BZW2: variants seen among roughly 807,000 people sequenced by gnomAD.
The protein encoded by BZW2 is eIF5-mimic protein 1.
A neutral mutation model predicts 53.2 loss-of-function variants in BZW2; 23 were observed. The ratio of observed to expected loss-of-function variants is 0.43; its 90% CI spans 0.31 to 0.61. The LOEUF (loss-of-function observed/expected upper bound fraction) is 0.61, where lower values mean the gene tolerates loss of function less well. Among genes scored for constraint, BZW2 ranks in the 20% least tolerant of loss-of-function variants. The pLI is 0.09. For synonymous variants in BZW2, 227 were observed against 186.4 expected (o/e 1.22, Z -1.77); for missense variants, 409 against 503.1 (o/e 0.81, Z 1.79).
chr7:16,665,308 G>GA (rs879064904), intron 1 of BZW2, 129 bp from the exon 2 acceptor site: 72,889 of 817,764 alleles, frequency 0.089, no homozygotes, highest in East Asian at 0.11. Context: ...TGTCTCAATT[G>GA]AAAAAAAAAA....
At chr7:16,649,658 G>A (rs966764164) in intron 1 of BZW2, among the ~76,000 whole-genome samples, 6 of 151,924 alleles carry the variant, frequency 3.9e-5, no homozygotes. Context: ...TTAGACTTAG[G>A]TATCTTTATT....
intron 1 of BZW2, among the ~76,000 whole-genome samples, chr7:16,649,698 A>AT (rs927789826): frequency 6.6e-6 from 1 of 152,014 alleles, no homozygotes; most frequent in Non-Finnish European, 1.5e-5. Flanking sequence ...AGAAATTTTG[A>AT]TTTTTTTAAG....
intron 6 of BZW2, among the ~76,000 whole-genome samples, chr7:16,688,373 A>G (rs1224269855): frequency 2.0e-5 from 3 of 152,216 alleles, no homozygotes; most frequent in African/African-American, 7.2e-5. Context: ...CAGTGGAAGA[A>G]CACTTCTCCT....
At chr7:16,702,876 C>T (rs932225588) in intron 10 of BZW2, among the ~76,000 whole-genome samples, 4 of 152,096 alleles carry the variant, frequency 2.6e-5, no homozygotes, top group African/African-American at 9.7e-5. Flanking sequence ...CAAAAATATA[C>T]ATATGTTGGG....
At chr7:16,695,904 C>T (rs1783467565) in intron 8 of BZW2, 1 of 152,150 alleles carries the variant, frequency 6.6e-6, no homozygotes, top group African/African-American at 2.4e-5. Flanking sequence ...CATATTTCTC[C>T]AAGCAAGAAT....
chr7:16,700,664 T>C (rs1176396436), intron 10 of BZW2: 1 of 152,150 alleles, frequency 6.6e-6, no homozygotes, highest in Non-Finnish European at 1.5e-5. Flanking sequence ...GTGTAAAGTG[T>C]ATAGCATTCA....
intron 10 of BZW2, 46 bp from the exon 11 acceptor site, chr7:16,704,501 A>C: frequency 6.8e-7 from 1 of 1,468,788 alleles, no homozygotes; most frequent in Non-Finnish European, 9.2e-7. Context: ...GTTTTGAAAC[A>C]TGACATTTGT....
At chr7:16,690,318 C>T (rs967586960) in intron 7 of BZW2, among the ~76,000 whole-genome samples, 1 of 152,070 alleles carries the variant, frequency 6.6e-6, no homozygotes, top group Non-Finnish European at 1.5e-5. Flanking sequence ...TCTCCTGCCT[C>T]AGCCTCCCGA....
intron 3 of BZW2, among the ~76,000 whole-genome samples, chr7:16,677,653 G>C (rs1389702711): frequency 2.0e-5 from 3 of 152,156 alleles, no homozygotes; most frequent in Non-Finnish European, 4.4e-5. Flanking sequence ...TTCTGGAAGA[G>C]ACAAACTTAA....
intron 7 of BZW2, among the ~76,000 whole-genome samples, chr7:16,692,638 C>T (rs1003422692): frequency 6.6e-6 from 1 of 152,106 alleles, no homozygotes; most frequent in South Asian, 2.1e-4. Context: ...ATGGTGCACA[C>T]CTGTAATCTC....
intron 11 of BZW2, among the ~76,000 whole-genome samples, chr7:16,704,960 T>C (rs1203807025): frequency 6.6e-6 from 1 of 152,246 alleles, no homozygotes; most frequent in African/African-American, 2.4e-5. Flanking sequence ...TACATTTAGC[T>C]TAATCACGCA....
At chr7:16,704,435 C>G in intron 10 of BZW2, 112 bp from the exon 11 acceptor site, 2 of 1,150,630 alleles carry the variant, frequency 1.7e-6, no homozygotes, top group Non-Finnish European at 2.3e-6. Context: ...TGATAAGTAA[C>G]AGAATGCTTT....
chr7:16,671,203 T>C (rs1240191183), intron 2 of BZW2, among the ~76,000 whole-genome samples: 2 of 152,156 alleles, frequency 1.3e-5, no homozygotes, highest in African/African-American at 4.8e-5. Flanking sequence ...ATCCCCATAC[T>C]TCCTGTCCTT....
intron 1 of BZW2, among the ~76,000 whole-genome samples, chr7:16,658,865 A>T (rs1219879241): frequency 6.6e-6 from 1 of 151,162 alleles, no homozygotes; most frequent in African/African-American, 2.4e-5. Flanking sequence ...ACAGAGCAAG[A>T]ATCCGTCTCA....
intron 3 of BZW2, among the ~76,000 whole-genome samples, chr7:16,678,389 C>G (rs903636927): frequency 6.6e-6 from 1 of 151,954 alleles, no homozygotes; most frequent in African/African-American, 2.4e-5. Context: ...TCAATATTAC[C>G]CTTCGTATAG....
At chr7:16,654,153 A>T (rs1369074912) in intron 1 of BZW2, among the ~76,000 whole-genome samples, 1 of 151,376 alleles carries the variant, frequency 6.6e-6, no homozygotes, top group African/African-American at 2.4e-5. Context: ...ACGAGAATCC[A>T]AGGGAGGCAG....
At chr7:16,680,798 G>T (rs1269276100) in intron 3 of BZW2, among the ~76,000 whole-genome samples, 1 of 151,860 alleles carries the variant, frequency 6.6e-6, no homozygotes, top group African/African-American at 2.4e-5. Flanking sequence ...GCGAAACCCT[G>T]TCTAAAAAAT....
At chr7:16,646,837 T>C (rs1781877865) in intron 1 of BZW2, among the ~76,000 whole-genome samples, 1 of 152,218 alleles carries the variant, frequency 6.6e-6, no homozygotes, top group Non-Finnish European at 1.5e-5. Flanking sequence ...GGAAACAATT[T>C]ACACTTGCAC....
At chr7:16,674,769 G>C (rs1463708697) in intron 3 of BZW2, among the ~76,000 whole-genome samples, 181 bp downstream of exon 3, 34 of 152,176 alleles carry the variant, frequency 2.2e-4, no homozygotes. Context: ...GATGTGAAAT[G>C]ATTATTGGTT....
Sources: gnomAD v4.1 joint callset for allele counts (sites outside exome capture counted in the v4.1 genomes callset) on GRCh38, gnomAD v4.1.1 for gene constraint, MANE v1.5 for transcripts, NCBI Gene and HGNC (gene_info 2026-07-23, HGNC 2026-07-21) for gene names.